The following RCC1 variants were observed in gnomAD, a reference collection of about 807,000 sequenced individuals.
RCC1 encodes the protein regulator of chromosome condensation.
In RCC1, 11 loss-of-function variants were observed where a neutral mutation model predicts 44.4. The ratio of observed to expected loss-of-function variants is 0.25; its 90% CI spans 0.16 to 0.41. RCC1 has a LOEUF of 0.41. Among genes scored for constraint, RCC1 ranks in the 10% least tolerant of loss-of-function variants. The pLI, the probability that RCC1 is intolerant of heterozygous loss-of-function variation, is 1.00. For synonymous variants in RCC1, 213 were observed against 216.5 expected, an observed-to-expected ratio of 0.98 and a Z score of 0.14; for missense variants, 386 against 547.1, an observed-to-expected ratio of 0.71 and a Z score of 2.94.
intron 3 of RCC1, among the ~76,000 whole-genome samples, chr1:28,511,438 T>C (rs1313924474): frequency 6.6e-6 from 1 of 151,286 alleles, no homozygotes; most frequent in Non-Finnish European, 1.5e-5. Context: ...TCTCGCTCTG[T>C]CGCCCAGGCT....
intron 4 of RCC1, among the ~76,000 whole-genome samples, chr1:28,520,339 T>G (rs752225870): frequency 2.6e-5 from 4 of 152,156 alleles, no homozygotes; most frequent in Non-Finnish European, 5.9e-5. Flanking sequence ...AAATCGAGGC[T>G]GTGGTGAGGT....
At chr1:28,529,182 C>CTTTTTTTTT (rs568053824) in intron 4 of RCC1, among the ~76,000 whole-genome samples, 1 of 80,506 alleles carries the variant, frequency 1.2e-5, no homozygotes, top group Non-Finnish European at 2.3e-5. Flanking sequence ...CGCGCCCAGG[C>CTTTTTTTTT]TTTTTTTTTT....
intron 12 of RCC1, among the ~76,000 whole-genome samples, 159 bp downstream of exon 12, chr1:28,537,058 TTGA>T (rs376402131): frequency 1.5e-4 from 23 of 152,208 alleles, no homozygotes; most frequent in African/African-American, 5.1e-4. Flanking sequence ...AGCTCTGGCA[TTGA>T]TGAATATGAA....
At chr1:28,509,839 G>C (rs1468673922) in intron 3 of RCC1, 1 of 152,182 alleles carries the variant, frequency 6.6e-6, no homozygotes, top group Non-Finnish European at 1.5e-5. Flanking sequence ...CGTAAGTCTG[G>C]GTTGAGTGCA....
At chr1:28,533,078 T>A (rs138893632) in intron 7 of RCC1, among the ~76,000 whole-genome samples, 4,235 of 152,182 alleles carry the variant, frequency 0.028, 83 homozygotes, top group Non-Finnish European at 0.042. Flanking sequence ...CCTCCCAAAG[T>A]GCTAGGATTA....
chr1:28,508,228 G>A, intron 2 of RCC1, 68 bp downstream of exon 2: 1 of 408,172 alleles, frequency 2.4e-6, no homozygotes, highest in Non-Finnish European at 5.1e-6. Flanking sequence ...ATGGAAATAG[G>A]ATTGAAGAGA....
In RCC1 at chr1:28,538,663, A is replaced by C. The variant is rs1053303418; in HGVS notation, c.*656A>C. ...TGCCCCTCAGGTGTTGCTTGTGTACATCGTACCCATCCATTCGGCTTCACC... is the reference window on the plus strand; with the variant it reads ...TGCCCCTCAGGTGTTGCTTGTGTACCTCGTACCCATCCATTCGGCTTCACC... On this transcript the variant is annotated 3_prime_UTR_variant, in exon 13 of 13. Coordinates refer to ENST00000683442, the MANE Select transcript of RCC1 (RefSeq NM_001381865.2). 3 of 150,926 alleles carry C rather than the reference A, an allele frequency of 2.0e-5. No individual in the cohort carries two copies. Among genetic ancestry groups the C allele is most frequent in the Admixed American group, 6.6e-5 (1 of 15,134 alleles). 9.3% of individuals were successfully genotyped at this position (150,926 alleles called of 1,614,324 possible). A position where few individuals can be genotyped will look rare whatever the true frequency, so the allele number is the denominator to read the frequency against.
intron 3 of RCC1, among the ~76,000 whole-genome samples, chr1:28,516,489 G>A (rs1662902410): frequency 7.2e-6 from 1 of 139,340 alleles, no homozygotes; most frequent in African/African-American, 2.9e-5. Context: ...GCAACAGAGT[G>A]AGACCCCATC....
chr1:28,533,200 G>A (rs918825631), intron 7 of RCC1, among the ~76,000 whole-genome samples: 1 of 152,030 alleles, frequency 6.6e-6, no homozygotes, highest in African/African-American at 2.4e-5. Context: ...GGCTGGGCGC[G>A]GTGGCTCATG....
At chr1:28,522,392 G>T (rs1482705304) in intron 4 of RCC1, among the ~76,000 whole-genome samples, 1 of 152,096 alleles carries the variant, frequency 6.6e-6, no homozygotes, top group Non-Finnish European at 1.5e-5. Flanking sequence ...GGTTCTGTCA[G>T]TACCCGATGT....
At chr1:28,514,613 T>C (rs533275160) in intron 3 of RCC1, among the ~76,000 whole-genome samples, 2 of 151,518 alleles carry the variant, frequency 1.3e-5, no homozygotes, top group Non-Finnish European at 2.9e-5. Context: ...AATACAAAAT[T>C]AGCCGGGCAT....
Position 28,536,652 on chromosome 1 carries a change from A to G in RCC1, c.938-95A>G. 2 of 1,420,604 alleles carry G rather than the reference A, an allele frequency of 1.4e-6. No individual in the cohort carries two copies. The highest frequency in any genetic ancestry group is 1.3e-5 in the South Asian group (1 of 79,036). 88.0% of individuals were successfully genotyped at this position (1,420,604 alleles called of 1,614,324 possible). On this transcript the variant is annotated intron_variant, in intron 11 of 12. Coordinates refer to ENST00000683442, the MANE Select transcript of RCC1 (RefSeq NM_001381865.2). This position sits in a 1 kb window ranked among gnomAD's most constrained non-coding sequence, Gnocchi z 4.9. ...TTCTGATCGCTCTGGGAGCAGGGAC[A>G]CACTCCCATGGACAGGTGGACTCAC...
chr1:28,512,436 ATTC>A (rs1662621147), intron 3 of RCC1, among the ~76,000 whole-genome samples: 1 of 152,104 alleles, frequency 6.6e-6, no homozygotes, highest in South Asian at 2.1e-4. Context: ...CTCAGTACTT[ATTC>A]TTGTACTGTG....
chr1:28,536,498 A>G lies in RCC1; in HGVS notation c.937+117A>G, dbSNP rs1664564291. The G allele has an allele frequency of 1.5e-6, 2 of 1,334,882 alleles. No homozygotes were observed. The highest frequency in any genetic ancestry group is 2.0e-6 in the Non-Finnish European group (2 of 976,014). The allele number at this position is 1,334,882 out of a possible 1,614,324, so 82.7% of individuals were successfully genotyped here. ...GGGTCTGTTCCATGGGTTGTACCAT[A>G]CATGGGTCCATGAGAGTCACTCTCA... On this transcript the variant is annotated intron_variant, in intron 11 of 12. Coordinates refer to ENST00000683442, the MANE Select transcript of RCC1 (RefSeq NM_001381865.2). This position sits in a 1 kb window ranked among gnomAD's most constrained non-coding sequence, Gnocchi z 4.9.
intron 4 of RCC1, among the ~76,000 whole-genome samples, chr1:28,529,179 A>G (rs1663925477): frequency 8.9e-6 from 1 of 112,676 alleles, no homozygotes; most frequent in African/African-American, 3.6e-5. Flanking sequence ...CACCGCGCCC[A>G]GGCTTTTTTT....
intron 4 of RCC1, among the ~76,000 whole-genome samples, chr1:28,525,877 G>A (rs1663624041): frequency 6.6e-6 from 1 of 152,154 alleles, no homozygotes; most frequent in African/African-American, 2.4e-5. Context: ...GGAATGAGGG[G>A]GCTGCTGGTT....
chr1:28,536,395 G>A lies in RCC1; in HGVS notation c.937+14G>A, dbSNP rs1319956008. 5.6e-6 allele frequency: 9 copies of A among 1,611,334 alleles called. No individual in the cohort carries two copies. Among genetic ancestry groups the A allele is most frequent in the African/African-American group, 1.3e-5 (1 of 74,950 alleles). On this transcript the variant is annotated intron_variant, in intron 11 of 12. Coordinates refer to ENST00000683442, the MANE Select transcript of RCC1 (RefSeq NM_001381865.2). This position sits in a 1 kb window ranked among gnomAD's most constrained non-coding sequence, Gnocchi z 4.9. ...TGGATTCGGAAGGTAGGGCCTTTAC[G>A]TCCTTCTCTAGTTTGGGGGTGGAGT...
chr1:28,511,396 G>GTTTT (rs1289599808), intron 3 of RCC1, among the ~76,000 whole-genome samples: 1 of 131,780 alleles, frequency 7.6e-6, no homozygotes, highest in Non-Finnish European at 1.5e-5. Context: ...CCAATTTTTT[G>GTTTT]TTTTTTGTTT....
chr1:28,507,904 CTGGAT>C, intron 1 of RCC1: 1 of 307,814 alleles, frequency 3.2e-6, no homozygotes, highest in Non-Finnish European at 6.4e-6. Flanking sequence ...CCACACCTGG[CTGGAT>C]TGAAGTCTTA....
Sources: gnomAD v4.1 joint callset for allele counts (sites outside exome capture counted in the v4.1 genomes callset) on GRCh38, gnomAD v4.1.1 for gene constraint, Gnocchi (gnomAD v3.1) non-coding constraint, MANE v1.5 for transcripts, NCBI Gene and HGNC (gene_info 2026-07-23, HGNC 2026-07-21) for gene names.